The following ZIC2 variants were observed in gnomAD, a reference collection of about 807,000 sequenced individuals.
The protein encoded by ZIC2 is zinc finger protein ZIC 2.
Under a neutral mutation model 29.5 loss-of-function variants are expected in ZIC2, and 7 were observed. The observed-to-expected ratio is 0.24, with a 90% CI of 0.14 to 0.45. The LOEUF (loss-of-function observed/expected upper bound fraction) is 0.45. ZIC2 is among the 20% of genes least tolerant of loss of function. The pLI, the probability that ZIC2 is intolerant of heterozygous loss-of-function variation, is 1.00. For missense variants in ZIC2, 589 were observed against 781.2 expected (o/e 0.75, Z 2.93); for synonymous variants, 408 against 354.2 (o/e 1.15, Z -1.70).
At position 99,982,375 on chromosome 13, in the gene ZIC2, A is replaced by G. The variant is rs749118113; in HGVS notation, c.311A>G (p.His104Arg). 2.7e-6 allele frequency: 4 copies of G among 1,477,716 alleles called. No individual in the cohort carries two copies. Among genetic ancestry groups the G allele is most frequent in the Non-Finnish European group, 3.6e-6 (4 of 1,116,180 alleles). The allele number at this position is 1,477,716 out of a possible 1,614,324, so 91.5% of individuals were successfully genotyped here. A position where few individuals can be genotyped will look rare whatever the true frequency, so the allele number is the denominator to read the frequency against. Reference protein sequence around the residue: ...AAAALGPHAAHVGSYSGPPFN... With the variant: ...AAAALGPHAARVGSYSGPPFN... Reference sequence around the variant, plus strand: ...GCAGCGCTCGGGCCCCACGCCGCGCACGTTGGCTCCTACTCTGGGCCGCCC... The same window carrying G: ...GCAGCGCTCGGGCCCCACGCCGCGCGCGTTGGCTCCTACTCTGGGCCGCCC... Residue 104 changes from histidine (H) to arginine (R), a missense_variant, in exon 1 of 3, where the codon CAC becomes CGC. Around this residue, in one of 7 missense-constraint regions of ZIC2, gnomAD observed 358 missense variants for 382.0 expected, o/e 0.94. Transcript: ENST00000376335.
Position 99,983,558 on chromosome 13 carries a change from G to C in ZIC2, c.1075+419G>C, listed in dbSNP as rs2053247311. ...GAGTGTATGTCTGTCTGAGTGGTTTGTGTGTTTTCCCACTTCTTTTACTCG... is the reference window on the plus strand; with the variant it reads ...GAGTGTATGTCTGTCTGAGTGGTTTCTGTGTTTTCCCACTTCTTTTACTCG... On this transcript the variant is annotated intron_variant, in intron 1 of 2. Coordinates refer to ENST00000376335, the MANE Select transcript of ZIC2 (RefSeq NM_007129.5). The surrounding 1 kb of genome is among the most constrained non-coding windows in gnomAD (Gnocchi z 4.7). Among the ~76,000 whole-genome samples, 1 of 152,056 alleles carries C rather than the reference G, an allele frequency of 6.6e-6. No homozygotes were observed.
At position 99,982,318 on chromosome 13, in the gene ZIC2, A is replaced by T. The variant is rs1330200516; in HGVS notation, c.254A>T (p.Tyr85Phe). ...SAFTSQGPGAYPGSAAAAAAA... is the reference protein window; with the variant it reads ...SAFTSQGPGAFPGSAAAAAAA... ...TTCACGTCGCAGGGCCCCGGCGCCT[A>T]CCCCGGCTCCGCTGCGGCTGCCGCT... Residue 85 changes from tyrosine (Y) to phenylalanine (F), a missense_variant, in exon 1 of 3, where the codon TAC (tyrosine) becomes TTC (phenylalanine). Tyr to Phe is a conservative substitution (Grantham distance 22). This residue lies in a region of ZIC2 where 358 missense variants were observed against 382.0 expected (regional missense o/e 0.94). Coordinates refer to ENST00000376335, the MANE Select transcript of ZIC2 (RefSeq NM_007129.5). 2.0e-6 allele frequency: 3 copies of T among 1,465,576 alleles called. No individual in the cohort carries two copies. The highest frequency in any genetic ancestry group is 1.3e-5 in the South Asian group (1 of 75,036). The allele number at this position is 1,465,576 out of a possible 1,614,324, so 90.8% of individuals were successfully genotyped here.
Position 99,983,267 on chromosome 13 carries a change from T to C in ZIC2, c.1075+128T>C. 7.9e-7 allele frequency: 1 copy of C among 1,262,334 alleles called. No individual in the cohort carries two copies. The highest frequency in any genetic ancestry group is 1.1e-6 in the Non-Finnish European group (1 of 925,690). The allele number at this position is 1,262,334 out of a possible 1,614,324, so 78.2% of individuals were successfully genotyped here. A position where few individuals can be genotyped will look rare whatever the true frequency, so the allele number is the denominator to read the frequency against. ...ACCTGGGATGGGAGGTGTTTTTGCG[T>C]GTACGAAAGAGCCAGCAGCTTGTTT... is the stretch of plus-strand genomic sequence containing the variant. On this transcript the variant is annotated intron_variant, in intron 1 of 2. Coordinates refer to ENST00000376335, the MANE Select transcript of ZIC2 (RefSeq NM_007129.5). The surrounding 1 kb of genome is among the most constrained non-coding windows in gnomAD (Gnocchi z 4.7).
Position 99,982,236 on chromosome 13 carries a change from G to T in ZIC2, c.172G>T (p.Gly58Ter). Residue 58 changes from glycine to a stop codon, truncating the protein, a stop_gained, in exon 1 of 3, where the codon GGA (glycine) becomes TGA (stop). Coordinates refer to ENST00000376335, the MANE Select transcript of ZIC2 (RefSeq NM_007129.5). LOFTEE classifies it high-confidence loss of function. ...GFVDSAAAHM[G>*]AFKLNPGAHE... is the part of the protein sequence containing the mutation. Reference sequence around the variant, plus strand: ...CGTTGACTCCGCCGCCGCGCACATGGGAGCCTTCAAGCTCAACCCGGGCGC... The same window carrying T: ...CGTTGACTCCGCCGCCGCGCACATGTGAGCCTTCAAGCTCAACCCGGGCGC... The T allele has an allele frequency of 6.6e-7, 1 of 1,515,830 alleles. No individual in the cohort carries two copies. The highest frequency in any genetic ancestry group is 1.8e-4 in the Middle Eastern group (1 of 5,432). 93.9% of individuals were successfully genotyped at this position (1,515,830 alleles called of 1,614,324 possible). A position where few individuals can be genotyped will look rare whatever the true frequency, so the allele number is the denominator to read the frequency against.
chr13:99,984,206 T>TCTCGCACCTCTAAATGACTC (rs1378590224), intron 1 of ZIC2: 52 of 152,706 alleles, frequency 3.4e-4, no homozygotes, highest in African/African-American at 1.3e-3. Context: ...ACGTTTGAGT[T>TCTCGCACCTCTAAATGACTC]CTCGCACCTC....
rs1185724189 is a variant in ZIC2 at position 99,986,171 on chromosome 13, C to T, written c.*489C>T. ...CCTTCCCTAAAGTGATGGGCTTTCT[C>T]TTTTCTCTTTTTAGTTTACCCGGTT... On this transcript the variant is annotated 3_prime_UTR_variant, in exon 3 of 3. Transcript: ENST00000376335. The T allele has an allele frequency of 2.8e-6, 1 of 358,574 alleles. No individual in the cohort carries two copies. Among genetic ancestry groups the T allele is most frequent in the Non-Finnish European group, 5.4e-6 (1 of 184,396 alleles). The allele number at this position is 358,574 out of a possible 1,614,324, so 22.2% of individuals were successfully genotyped here.
At position 99,985,168 on chromosome 13, in the gene ZIC2, G is replaced by T; in HGVS notation, c.1239+59G>T. ...AGGCCGAGGCGCCGGTGCAGCACTG[G>T]CCCGGACCACCTCAGCCGGCCTGGG... On this transcript the variant is annotated intron_variant, in intron 2 of 2. Transcript: ENST00000376335. This position sits in a 1 kb window ranked among gnomAD's most constrained non-coding sequence, Gnocchi z 6.3. 1 of 1,611,730 alleles carries T rather than the reference G, an allele frequency of 6.2e-7. No homozygotes were observed. The highest frequency in any genetic ancestry group is 8.5e-7 in the Non-Finnish European group (1 of 1,178,696).
Position 99,982,358 on chromosome 13 carries a change from C to T in ZIC2, c.294C>T (p.Leu98=), listed in dbSNP as rs1190605222. Residue 98 remains leucine (L), a synonymous_variant, in exon 1 of 3, where the codon CTC becomes CTT. Transcript: ENST00000376335. ...SAAAAAAAAA[L]GPHAAHVGSY... ...CGGCTGCCGCTGCGGCCGCAGCGCT[C>T]GGGCCCCACGCCGCGCACGTTGGCT... 1.4e-6 allele frequency: 2 copies of T among 1,472,170 alleles called. No homozygotes were observed. The highest frequency in any genetic ancestry group is 9.0e-7 in the Non-Finnish European group (1 of 1,113,846). 91.2% of individuals were successfully genotyped at this position (1,472,170 alleles called of 1,614,324 possible).
rs953472306 is a variant in ZIC2, at chr13:99,982,737, A to G, written c.673A>G (p.Met225Val). 1.9e-6 allele frequency: 3 copies of G among 1,601,778 alleles called. No individual in the cohort carries two copies. The highest frequency in any genetic ancestry group is 2.5e-6 in the Non-Finnish European group (3 of 1,179,864). ...CATGAATATGAACATGGGTATGAAC[A>G]TGGCAGCAGCCGCGGCCCACCACCA... ...GPMNMNMGMN[M>V]AAAAAHHHHH... Residue 225 changes from methionine (M) to valine (V), a missense_variant, in exon 1 of 3, where the codon ATG (methionine) becomes GTG (valine). By Grantham distance (21) the Met-to-Val change is conservative. Around this residue, in one of 7 missense-constraint regions of ZIC2, gnomAD observed 358 missense variants for 382.0 expected, o/e 0.94. Coordinates refer to ENST00000376335, the MANE Select transcript of ZIC2 (RefSeq NM_007129.5).
chr13:99,982,419 T>C lies in ZIC2; in HGVS notation c.355T>C (p.Phe119Leu), dbSNP rs1286690820. 6.8e-7 allele frequency: 1 copy of C among 1,465,594 alleles called. No individual in the cohort carries two copies. Among genetic ancestry groups the C allele is most frequent in the South Asian group, 1.4e-5 (1 of 72,688 alleles). 90.8% of individuals were successfully genotyped at this position (1,465,594 alleles called of 1,614,324 possible). A position where few individuals can be genotyped will look rare whatever the true frequency, so the allele number is the denominator to read the frequency against. The change falls in exon 1 of 3, where the codon TTC (phenylalanine) becomes CTC (leucine). Residue 119 changes from phenylalanine to leucine, a missense_variant. Phe to Leu is a conservative substitution (Grantham distance 22, BLOSUM62 0). Around this residue, in one of 7 missense-constraint regions of ZIC2, gnomAD observed 358 missense variants for 382.0 expected, o/e 0.94. Transcript: ENST00000376335. ...SGPPFNSTRD[F>L]LFRSRGFGDS... ...GCCGCCCTTCAACTCCACCCGGGAC[T>C]TCCTGTTCCGCAGCCGCGGCTTCGG...
chr13:99,986,039 G>A lies in ZIC2; in HGVS notation c.*357G>A, dbSNP rs926212422. ...TCTTCTGACAAACTGTGTACATAGC[G>A]GACTCCTCCTTTCTCCTCCGAGGTG... On this transcript the variant is annotated 3_prime_UTR_variant, in exon 3 of 3. Coordinates refer to ENST00000376335, the MANE Select transcript of ZIC2 (RefSeq NM_007129.5). The A allele has an allele frequency of 1.3e-5, 6 of 455,782 alleles. No individual in the cohort carries two copies. Among genetic ancestry groups the A allele is most frequent in the African/African-American group, 4.0e-5 (2 of 49,998 alleles). 28.2% of individuals were successfully genotyped at this position (455,782 alleles called of 1,614,324 possible).
chr13:99,982,664 G>T lies in ZIC2; in HGVS notation c.600G>T (p.Pro200=). Residue 200 remains proline, a synonymous_variant, in exon 1 of 3, where the codon CCG becomes CCT. Transcript: ENST00000376335. ...RSEQYRQVAS[P]RTDPYSAAQL... is the part of the protein sequence containing the mutation. ...AGCAATACCGCCAGGTGGCCAGCCC[G>T]CGGACCGACCCCTACTCGGCGGCGC... 1 of 1,599,742 alleles carries T rather than the reference G, an allele frequency of 6.3e-7. No individual in the cohort carries two copies. Among genetic ancestry groups the T allele is most frequent in the Non-Finnish European group, 8.5e-7 (1 of 1,179,310 alleles).
In ZIC2 at chr13:99,985,472, GGCT is replaced by G; in HGVS notation, c.1392_1394del (p.Ala470del). On this transcript the variant is annotated inframe_deletion, in exon 3 of 3. Transcript: ENST00000376335. This position sits in a 1 kb window ranked among gnomAD's most constrained non-coding sequence, Gnocchi z 6.3. ...CAGCGGCGGCGGCAGCGGCGGCGGC[GGCT>G]GCGGCGGCGGCGGCCGCGGTGTCCG... 1 of 1,299,064 alleles carries G rather than the reference GGCT, an allele frequency of 7.7e-7. No individual in the cohort carries two copies. The highest frequency in any genetic ancestry group is 9.7e-7 in the Non-Finnish European group (1 of 1,032,026). 80.5% of individuals were successfully genotyped at this position (1,299,064 alleles called of 1,614,324 possible).
rs1208287921 is a variant in ZIC2, at chr13:99,982,418, C to G, written c.354C>G (p.Asp118Glu). The G allele has an allele frequency of 1.4e-6, 2 of 1,466,652 alleles. No individual in the cohort carries two copies. Among genetic ancestry groups the G allele is most frequent in the Non-Finnish European group, 1.8e-6 (2 of 1,112,698 alleles). The allele number at this position is 1,466,652 out of a possible 1,614,324, so 90.9% of individuals were successfully genotyped here. A position where few individuals can be genotyped will look rare whatever the true frequency, so the allele number is the denominator to read the frequency against. Reference sequence around the variant, plus strand: ...GGCCGCCCTTCAACTCCACCCGGGACTTCCTGTTCCGCAGCCGCGGCTTCG... The same window carrying G: ...GGCCGCCCTTCAACTCCACCCGGGAGTTCCTGTTCCGCAGCCGCGGCTTCG... ...YSGPPFNSTR[D>E]FLFRSRGFGD... Residue 118 changes from aspartate to glutamate, a missense_variant, in exon 1 of 3, where the codon GAC becomes GAG. Asp to Glu is a conservative substitution (Grantham distance 45, BLOSUM62 2). Coordinates refer to ENST00000376335, the MANE Select transcript of ZIC2 (RefSeq NM_007129.5).
Position 99,982,208 on chromosome 13 carries a change from C to T in ZIC2, c.144C>T (p.Gly48=), listed in dbSNP as rs777257719. Residue 48 remains glycine (G), a synonymous_variant, in exon 1 of 3, where the codon GGC becomes GGT. Coordinates refer to ENST00000376335, the MANE Select transcript of ZIC2 (RefSeq NM_007129.5). The part of the protein sequence containing the change: ...RELSLAAAQN[G]FVDSAAAHMG... ...TGAGCCTGGCGGCGGCGCAGAACGGCTTCGTTGACTCCGCCGCCGCGCACA... is the reference window on the plus strand; with the variant it reads ...TGAGCCTGGCGGCGGCGCAGAACGGTTTCGTTGACTCCGCCGCCGCGCACA... 2 of 1,508,184 alleles carry T rather than the reference C, an allele frequency of 1.3e-6. No homozygotes were observed. Among genetic ancestry groups the T allele is most frequent in the Admixed American group, 4.1e-5 (2 of 49,246 alleles). The allele number at this position is 1,508,184 out of a possible 1,614,324, so 93.4% of individuals were successfully genotyped here.
chr13:99,985,979 C>T lies in ZIC2; in HGVS notation c.*297C>T, dbSNP rs1216951039. The T allele has an allele frequency of 2.3e-6, 1 of 439,478 alleles. No homozygotes were observed. The highest frequency in any genetic ancestry group is 2.0e-5 in the African/African-American group (1 of 49,220). 27.2% of individuals were successfully genotyped at this position (439,478 alleles called of 1,614,324 possible). On this transcript the variant is annotated 3_prime_UTR_variant, in exon 3 of 3. Coordinates refer to ENST00000376335, the MANE Select transcript of ZIC2 (RefSeq NM_007129.5). The surrounding 1 kb of genome is among the most constrained non-coding windows in gnomAD (Gnocchi z 6.3). ...TGTTGAACCAAACCTCCCTGCTAAT[C>T]TCCATGCCCACGTTCTTTCCCACCC...
chr13:99,982,961 C>A lies in ZIC2; in HGVS notation c.897C>A (p.Asn299Lys). The change falls in exon 1 of 3, where the codon AAC (asparagine) becomes AAA (lysine). Residue 299 changes from asparagine (N) to lysine (K), a missense_variant. By Grantham distance (94) the Asn-to-Lys change is moderately conservative. Around this residue, in one of 7 missense-constraint regions of ZIC2, gnomAD observed 33 missense variants for 106.0 expected, o/e 0.31. Transcript: ENST00000376335. ...ACGTCGGCGGCCCGGAGCAGAGCAA[C>A]CACGTCTGCTTCTGGGAGGAGTGTC... ...VEHVGGPEQS[N>K]HVCFWEECPR... is the part of the protein sequence containing the mutation. 1 of 1,614,162 alleles carries A rather than the reference C, an allele frequency of 6.2e-7. No homozygotes were observed. Among genetic ancestry groups the A allele is most frequent in the African/African-American group, 1.3e-5 (1 of 75,046 alleles).
rs747747563 is a variant in ZIC2, at chr13:99,982,484, G to C, written c.420G>C (p.Gly140=). Residue 140 remains glycine, a synonymous_variant, in exon 1 of 3, where the codon GGG becomes GGC. Coordinates refer to ENST00000376335, the MANE Select transcript of ZIC2 (RefSeq NM_007129.5). ...GCGGCGGGCAGCACGGGCTGTTCGG[G>C]CCGGGCGCGGGCGGCCTGCACCACG... ...APGGGQHGLF[G]PGAGGLHHAH... is the part of the protein sequence containing the mutation. 2 of 1,473,348 alleles carry C rather than the reference G, an allele frequency of 1.4e-6. No individual in the cohort carries two copies. The highest frequency in any genetic ancestry group is 2.9e-5 in the South Asian group (2 of 70,056). 91.3% of individuals were successfully genotyped at this position (1,473,348 alleles called of 1,614,324 possible).
rs1321671892 is a variant in ZIC2 at position 99,985,557 on chromosome 13, G to T, written c.1474G>T (p.Gly492Cys). The T allele has an allele frequency of 6.3e-5, 63 of 993,936 alleles. No individual in the cohort carries two copies. Among genetic ancestry groups the T allele is most frequent in the Non-Finnish European group, 7.3e-5 (61 of 837,530 alleles). 61.6% of individuals were successfully genotyped at this position (993,936 alleles called of 1,614,324 possible). A position where few individuals can be genotyped will look rare whatever the true frequency, so the allele number is the denominator to read the frequency against. ...CGGCGCGGGAGGCGGCTCAGGCGGCGGCAGCGGCAGTGGCGGGGGCGGCGG... is the reference window on the plus strand; with the variant it reads ...CGGCGCGGGAGGCGGCTCAGGCGGCTGCAGCGGCAGTGGCGGGGGCGGCGG... ...SGGAGGGSGG[G>C]SGSGGGGGGA... The change falls in exon 3 of 3, where the codon GGC becomes TGC. Residue 492 changes from glycine (G) to cysteine (C), a missense_variant. By Grantham distance (159) the Gly-to-Cys change is radical (BLOSUM62 -3). Coordinates refer to ENST00000376335, the MANE Select transcript of ZIC2 (RefSeq NM_007129.5). This position sits in a 1 kb window ranked among gnomAD's most constrained non-coding sequence, Gnocchi z 6.3.
Sources: gnomAD v4.1 joint callset for allele counts (sites outside exome capture counted in the v4.1 genomes callset) on GRCh38, gnomAD v4.1.1 for gene constraint, gnomAD v4.1.1 regional missense constraint, Gnocchi (gnomAD v3.1) non-coding constraint, MANE v1.5 for transcripts, NCBI Gene and HGNC (gene_info 2026-07-23, HGNC 2026-07-21) for gene names.